Variants in QTMAN observed in about 807,000 individuals in gnomAD.
QTMAN encodes queuosine-tRNA mannosyltransferase.
At chr2:143,990,094 C>A in the QTMAN span, among the ~76,000 whole-genome samples, 1 of 151,942 alleles carries the variant, frequency 6.6e-6, no homozygotes, top group Non-Finnish European at 1.5e-5. Context: ...GGGTTACGCA[C>A]CACTGTCCTA....
the QTMAN span, among the ~76,000 whole-genome samples, chr2:144,187,409 G>A: frequency 6.6e-6 from 1 of 152,098 alleles, no homozygotes; most frequent in African/African-American, 2.4e-5. Flanking sequence ...AGTCTTGCGA[G>A]AGCCAGAACT....
chr2:144,047,439 A>T, the QTMAN span, among the ~76,000 whole-genome samples: 2 of 152,214 alleles, frequency 1.3e-5, no homozygotes, highest in African/African-American at 4.8e-5. Flanking sequence ...TACTTAACTG[A>T]AAATTGTAGT....
the QTMAN span, among the ~76,000 whole-genome samples, chr2:144,050,165 T>C: frequency 1.3e-5 from 2 of 152,196 alleles, no homozygotes; most frequent in Non-Finnish European, 2.9e-5. Flanking sequence ...GTTTCTCTGC[T>C]GACAAAACAG....
At chr2:144,252,864 G>T in the QTMAN span, among the ~76,000 whole-genome samples, 1 of 152,148 alleles carries the variant, frequency 6.6e-6, no homozygotes, top group African/African-American at 2.4e-5. Flanking sequence ...TCCAAAAAGT[G>T]AATGGATAAA....
chr2:144,007,832 C>T, the QTMAN span, among the ~76,000 whole-genome samples: 1 of 152,040 alleles, frequency 6.6e-6, no homozygotes, highest in African/African-American at 2.4e-5. Context: ...TTCCCTCACT[C>T]ATCCTTCTGG....
the QTMAN span, among the ~76,000 whole-genome samples, chr2:144,095,321 T>C: frequency 6.6e-6 from 1 of 152,226 alleles, no homozygotes; most frequent in Non-Finnish European, 1.5e-5. Flanking sequence ...TCTTGGCACA[T>C]AGTAGGGACT....
the QTMAN span, among the ~76,000 whole-genome samples, chr2:144,038,780 T>C: frequency 6.6e-6 from 1 of 152,204 alleles, no homozygotes; most frequent in South Asian, 2.1e-4. Flanking sequence ...TCAATAGAGA[T>C]TAAATTTAAA....
the QTMAN span, among the ~76,000 whole-genome samples, chr2:144,298,058 G>A: frequency 2.0e-5 from 3 of 147,922 alleles, no homozygotes; most frequent in Non-Finnish European, 3.0e-5. Flanking sequence ...TCGCTCTGTC[G>A]CCCAGGCTGG....
At chr2:144,185,051 C>T in the QTMAN span, among the ~76,000 whole-genome samples, 13 of 152,028 alleles carry the variant, frequency 8.6e-5, no homozygotes, top group African/African-American at 2.4e-4. Context: ...TCAAATGATA[C>T]GGTATGTGAG....
the QTMAN span, among the ~76,000 whole-genome samples, chr2:144,309,635 A>G: frequency 6.6e-6 from 1 of 152,218 alleles, no homozygotes; most frequent in African/African-American, 2.4e-5. Flanking sequence ...ACACAAGGAA[A>G]CTTTTGAAGT....
At chr2:144,083,999 T>C in the QTMAN span, among the ~76,000 whole-genome samples, 2 of 152,332 alleles carry the variant, frequency 1.3e-5, no homozygotes, top group African/African-American at 4.8e-5. Flanking sequence ...CTGATAATAA[T>C]ACATGTGAAG....
chr2:144,139,155 G>A, the QTMAN span, among the ~76,000 whole-genome samples: 1 of 151,972 alleles, frequency 6.6e-6, no homozygotes, highest in African/African-American at 2.4e-5. Flanking sequence ...AAGGCCAAAG[G>A]ATTGTTTGAC....
chr2:144,079,848 T>C, the QTMAN span, among the ~76,000 whole-genome samples: 1 of 152,144 alleles, frequency 6.6e-6, no homozygotes, highest in Admixed American at 6.5e-5. Flanking sequence ...TTGGATGACC[T>C]AGAGTCTAAT....
the QTMAN span, among the ~76,000 whole-genome samples, chr2:144,281,260 A>G: frequency 6.6e-6 from 1 of 152,134 alleles, no homozygotes; most frequent in Non-Finnish European, 1.5e-5. Flanking sequence ...GCAACTTGGC[A>G]ATATCAGCTA....
the QTMAN span, among the ~76,000 whole-genome samples, chr2:144,257,890 A>C: frequency 6.6e-6 from 1 of 152,208 alleles, no homozygotes; most frequent in African/African-American, 2.4e-5. Context: ...AAATCATACA[A>C]ATAATTTCCA....
chr2:144,077,762 C>T, the QTMAN span, among the ~76,000 whole-genome samples: 1 of 152,278 alleles, frequency 6.6e-6, no homozygotes, highest in East Asian at 1.9e-4. Flanking sequence ...GTATTTTAAA[C>T]TGTTTATAAA....
At chr2:143,938,777 A>C in the QTMAN span, 2 of 152,346 alleles carry the variant, frequency 1.3e-5, no homozygotes, top group South Asian at 4.1e-4. Flanking sequence ...ATCCAGTATT[A>C]ATAGCTGCAT....
chr2:144,134,170 T>A, the QTMAN span, among the ~76,000 whole-genome samples: 3 of 152,174 alleles, frequency 2.0e-5, no homozygotes, highest in Non-Finnish European at 4.4e-5. Flanking sequence ...TTCTGACACA[T>A]CTGCTTTGCA....
chr2:144,104,703 G>A, the QTMAN span, among the ~76,000 whole-genome samples: 2 of 152,196 alleles, frequency 1.3e-5, no homozygotes, highest in Admixed American at 1.3e-4. Flanking sequence ...CAAACAAAAG[G>A]CAGAAGAAAC....
Sources: gnomAD v4.1 joint callset for allele counts (sites outside exome capture counted in the v4.1 genomes callset) on GRCh38, gnomAD v4.1.1 for gene constraint, MANE v1.5 for transcripts, NCBI Gene and HGNC (gene_info 2026-07-23, HGNC 2026-07-21) for gene names.